The following PPP1R12A variants were observed in gnomAD, a reference collection of about 807,000 sequenced individuals.
PPP1R12A encodes protein phosphatase 1 regulatory subunit 12A.
In PPP1R12A, 19 loss-of-function variants were observed where a neutral mutation model predicts 139.6. The ratio of observed to expected loss-of-function variants is 0.14; its 90% CI spans 0.09 to 0.20. The LOEUF is 0.20. Ranked by LOEUF, PPP1R12A falls within the 10% of genes least tolerant of loss-of-function variation. The pLI is 1.00. For synonymous variants in PPP1R12A, 427 were observed against 420.6 expected (o/e 1.02, Z -0.19); for missense variants, 925 against 1,211.5 (o/e 0.76, Z 3.51).
At chr12:79,872,199 G>A (rs1247826092) in intron 2 of PPP1R12A, among the ~76,000 whole-genome samples, 9 of 151,930 alleles carry the variant, frequency 5.9e-5, no homozygotes, top group African/African-American at 1.9e-4. Flanking sequence ...TTACTGTGTG[G>A]ATAGATAGTA....
rs1873744979 is a variant in PPP1R12A, at chr12:79,805,728, C to T, written c.1864G>A (p.Glu622Lys). 1 of 1,613,352 alleles carries T rather than the reference C, an allele frequency of 6.2e-7. No homozygotes were observed. Among genetic ancestry groups the T allele is most frequent in the Non-Finnish European group, 8.5e-7 (1 of 1,179,552 alleles). The change falls in exon 14 of 25, where the codon GAA becomes AAA. Residue 622 changes from glutamate to lysine, a missense_variant. Around this residue, in one of 4 missense-constraint regions of PPP1R12A, gnomAD observed 403 missense variants for 463.7 expected, o/e 0.87. Coordinates refer to ENST00000450142, the MANE Select transcript of PPP1R12A (RefSeq NM_002480.3). ...RLWAEDSTEK[E>K]KDSVPTAVTI... Reference sequence around the variant, plus strand: ...ACTGCCGTAGGAACACTGTCCTTTTCTTTCTCAGTACTATCCTCAGCCCAC... The same window carrying T: ...ACTGCCGTAGGAACACTGTCCTTTTTTTTCTCAGTACTATCCTCAGCCCAC...
At chr12:79,813,691 T>C (rs1336448594) in intron 9 of PPP1R12A, among the ~76,000 whole-genome samples, 3 of 152,248 alleles carry the variant, frequency 2.0e-5, no homozygotes, top group African/African-American at 2.4e-5. Flanking sequence ...ATCAAACTGA[T>C]GGTTTTATAG....
intron 3 of PPP1R12A, among the ~76,000 whole-genome samples, chr12:79,834,432 C>A (rs756262870): frequency 3.7e-4 from 56 of 152,252 alleles, no homozygotes; most frequent in Non-Finnish European, 6.8e-4. Context: ...GAGATACCCA[C>A]TTGGAGGCTA....
Position 79,805,710 on chromosome 12 carries a change from T to C in PPP1R12A, c.1882A>G (p.Thr628Ala). Reference sequence around the variant, plus strand: ...GGAGCAACAGGAATGGTCACTGCCGTAGGAACACTGTCCTTTTCTTTCTCA... The same window carrying C: ...GGAGCAACAGGAATGGTCACTGCCGCAGGAACACTGTCCTTTTCTTTCTCA... ...STEKEKDSVP[T>A]AVTIPVAPTV... The change falls in exon 14 of 25, where the codon ACG (threonine) becomes GCG (alanine). Residue 628 changes from threonine (T) to alanine (A), a missense_variant. Physicochemically the swap from Thr to Ala is moderately conservative, Grantham distance 58. This residue lies in a region of PPP1R12A where 403 missense variants were observed against 463.7 expected (regional missense o/e 0.87). Coordinates refer to ENST00000450142, the MANE Select transcript of PPP1R12A (RefSeq NM_002480.3). The C allele has an allele frequency of 1.2e-6, 2 of 1,613,530 alleles. No homozygotes were observed. The highest frequency in any genetic ancestry group is 8.5e-7 in the Non-Finnish European group (1 of 1,179,650).
rs1353413718 is a variant in PPP1R12A, at chr12:79,773,599, A to G, written c.*2330T>C. 4 of 152,232 alleles carry G rather than the reference A, an allele frequency of 2.6e-5. No homozygotes were observed. Among genetic ancestry groups the G allele is most frequent in the African/African-American group, 9.6e-5 (4 of 41,470 alleles). The allele number at this position is 152,232 out of a possible 1,614,324, so 9.4% of individuals were successfully genotyped here. On this transcript the variant is annotated 3_prime_UTR_variant, in exon 25 of 25. Coordinates refer to ENST00000450142, the MANE Select transcript of PPP1R12A (RefSeq NM_002480.3). ...ATACAGACAGCTTTATGTAAAATAT[A>G]TAAACATTTGTCCAAATTGGTACAC...
At chr12:79,817,654 G>C (rs1032476803) in intron 8 of PPP1R12A, 136 bp from the exon 9 acceptor site, 1 of 758,912 alleles carries the variant, frequency 1.3e-6, no homozygotes, top group Non-Finnish European at 2.0e-6. Flanking sequence ...ATTCCTTTTC[G>C]CAAGTCAGTT....
At chr12:79,821,834 T>A (rs1592668856) in intron 6 of PPP1R12A, among the ~76,000 whole-genome samples, 1 of 152,076 alleles carries the variant, frequency 6.6e-6, no homozygotes, top group East Asian at 1.9e-4. Context: ...ATTTTATAGA[T>A]TCCATCTTTT....
At chr12:79,853,971 C>T (rs2137250351) in intron 2 of PPP1R12A, among the ~76,000 whole-genome samples, 1 of 152,320 alleles carries the variant, frequency 6.6e-6, no homozygotes. Flanking sequence ...ACACCAGTCA[C>T]AGCTATTCAT....
chr12:79,838,285 G>A (rs759972248), intron 3 of PPP1R12A, among the ~76,000 whole-genome samples: 1 of 152,188 alleles, frequency 6.6e-6, no homozygotes, highest in Non-Finnish European at 1.5e-5. Flanking sequence ...GTAATTTAGG[G>A]TATCTGATGA....
At chr12:79,863,157 GATATTC>G (rs1565784628) in intron 2 of PPP1R12A, among the ~76,000 whole-genome samples, 2 of 152,038 alleles carry the variant, frequency 1.3e-5, no homozygotes, top group Non-Finnish European at 2.9e-5. Context: ...AGTGGGGGCC[GATATTC>G]AACATTCTTA....
intron 1 of PPP1R12A, among the ~76,000 whole-genome samples, chr12:79,884,607 G>T (rs1883937287): frequency 6.6e-6 from 1 of 152,064 alleles, no homozygotes; most frequent in Non-Finnish European, 1.5e-5. Flanking sequence ...AGAAAAACAA[G>T]ACTTGCTGAC....
chr12:79,879,771 G>A (rs1883456298), intron 1 of PPP1R12A, among the ~76,000 whole-genome samples: 1 of 151,804 alleles, frequency 6.6e-6, no homozygotes, highest in Non-Finnish European at 1.5e-5. Context: ...TCTTTGTCGG[G>A]GTGATTTTTA....
intron 3 of PPP1R12A, among the ~76,000 whole-genome samples, chr12:79,839,126 T>A (rs1878417996): frequency 6.6e-6 from 1 of 152,216 alleles, no homozygotes; most frequent in Non-Finnish European, 1.5e-5. Flanking sequence ...ATGTGAGACA[T>A]GAAGTCAAAG....
At chr12:79,912,378 G>A (rs1040928555) in intron 1 of PPP1R12A, among the ~76,000 whole-genome samples, 1 of 152,060 alleles carries the variant, frequency 6.6e-6, no homozygotes, top group Non-Finnish European at 1.5e-5. Context: ...CACACACAAG[G>A]CAGGCAAACA....
chr12:79,853,229 T>G (rs1336398051), intron 2 of PPP1R12A, among the ~76,000 whole-genome samples: 2 of 152,240 alleles, frequency 1.3e-5, no homozygotes, highest in Non-Finnish European at 2.9e-5. Flanking sequence ...ATGGTGTCCC[T>G]CTACTAGTAT....
chr12:79,880,273 G>A (rs1271793746), intron 1 of PPP1R12A, among the ~76,000 whole-genome samples: 2 of 152,064 alleles, frequency 1.3e-5, no homozygotes, highest in Non-Finnish European at 1.5e-5. Context: ...GGGTCCATAC[G>A]GGTCCCTACA....
At chr12:79,906,807 C>A (rs1024447253) in intron 1 of PPP1R12A, among the ~76,000 whole-genome samples, 5 of 152,166 alleles carry the variant, frequency 3.3e-5, no homozygotes, top group Admixed American at 2.6e-4. Context: ...CCACGCCCAG[C>A]TAACTTTTTT....
chr12:79,780,441 T>A (rs1258594303), intron 23 of PPP1R12A: 1 of 152,098 alleles, frequency 6.6e-6, no homozygotes, highest in African/African-American at 2.4e-5. Context: ...TATGAATGTG[T>A]CTGCATCATG....
chr12:79,786,511 T>C, intron 21 of PPP1R12A, 33 bp from the exon 22 acceptor site: 1 of 1,343,006 alleles, frequency 7.4e-7, no homozygotes. Flanking sequence ...ACAAATTACT[T>C]TTCTGCTCTC....
Sources: allele counts gnomAD v4.1 joint callset (sites outside exome capture counted in the v4.1 genomes callset), GRCh38; gene constraint gnomAD v4.1.1; regional missense constraint gnomAD v4.1.1; transcripts MANE v1.5; gene names NCBI Gene and HGNC (gene_info 2026-07-23, HGNC 2026-07-21).